PPFIA1: variants seen among roughly 807,000 people sequenced by gnomAD.
PPFIA1 encodes PPFI scaffold protein A1.
Under a neutral mutation model 149.9 loss-of-function variants are expected in PPFIA1, and 25 were observed. The observed-to-expected ratio is 0.17, with a 90% CI of 0.12 to 0.23. The LOEUF is 0.23. Among genes scored for constraint, PPFIA1 ranks in the 10% least tolerant of loss-of-function variants. The pLI is 1.00. For missense variants in PPFIA1, 1,362 were observed against 1,506.5 expected (o/e 0.90, Z 1.59); for synonymous variants, 549 against 552.8 (o/e 0.99, Z 0.10).
In PPFIA1 at chr11:70,343,751, A is replaced by T. The variant is rs374218903; in HGVS notation, c.1790A>T (p.Asp597Val). ...LANVAQAFESDADVSDGEDDR... is the reference protein window; with the variant it reads ...LANVAQAFESVADVSDGEDDR... ...AATGTAGCACAAGCATTCGAGAGTGATGCTGACGTGTCTGATGGTGAAGAT... is the reference window on the plus strand; with the variant it reads ...AATGTAGCACAAGCATTCGAGAGTGTTGCTGACGTGTCTGATGGTGAAGAT... The change falls in exon 15 of 28, where the codon GAT becomes GTT. Residue 597 changes from aspartate (D) to valine (V), a missense_variant. Physicochemically the swap from Asp to Val is radical, Grantham distance 152. Transcript: ENST00000253925. The T allele has an allele frequency of 4.3e-6, 7 of 1,614,132 alleles. No homozygotes were observed. In the African/African-American group the frequency reaches 8.0e-5, roughly 18 times the overall value.
chr11:70,330,430 TGACCTTAGAATATTATG>T, intron 8 of PPFIA1, 111 bp downstream of exon 8: 2 of 957,902 alleles, frequency 2.1e-6, no homozygotes, highest in Non-Finnish European at 3.0e-6. Context: ...CAAGTTTTTA[TGACCTTAGAATATTATG>T]TTCAAGACAT....
At chr11:70,309,363 T>C (rs1682741463) in intron 2 of PPFIA1, among the ~76,000 whole-genome samples, 1 of 152,112 alleles carries the variant, frequency 6.6e-6, no homozygotes, top group South Asian at 2.1e-4. Flanking sequence ...AGACGGGGGT[T>C]TCTCCATGTC....
chr11:70,344,009 T>C, intron 15 of PPFIA1, 117 bp downstream of exon 15: 2 of 921,804 alleles, frequency 2.2e-6, no homozygotes, highest in East Asian at 5.3e-5. Context: ...TACATAATAA[T>C]AGAACTTACT....
At chr11:70,288,086 C>CT (rs1436968711) in intron 2 of PPFIA1, among the ~76,000 whole-genome samples, 2 of 92,968 alleles carry the variant, frequency 2.2e-5, no homozygotes, top group Non-Finnish European at 2.3e-5. Flanking sequence ...TTTTTTTTTT[C>CT]TTTTTTGAGA....
At position 70,324,624 on chromosome 11, in the gene PPFIA1, C is replaced by T. The variant is rs930639408; in HGVS notation, c.366+121C>T. ...CCTGAAATACTTTTCATACCTTTTC[C>T]CACTGAGCAGACTGTGATTAGTCAG... is the stretch of plus-strand genomic sequence containing the variant. On this transcript the variant is annotated intron_variant, in intron 3 of 27. Coordinates refer to ENST00000253925, the MANE Select transcript of PPFIA1 (RefSeq NM_003626.5). The T allele has an allele frequency of 8.4e-6, 8 of 949,068 alleles. No individual in the cohort carries two copies. The African/African-American group carries it at 1.2e-4, about 14-fold the overall frequency. 58.8% of individuals were successfully genotyped at this position (949,068 alleles called of 1,614,324 possible).
chr11:70,378,521 GCT>G, intron 26 of PPFIA1: 1 of 978,450 alleles, frequency 1.0e-6, no homozygotes, highest in Non-Finnish European at 1.2e-6. Context: ...GTGCTAGAAA[GCT>G]CTTTCAGGAA....
chr11:70,380,304 A>T (rs546839446), intron 26 of PPFIA1, among the ~76,000 whole-genome samples: 1 of 152,012 alleles, frequency 6.6e-6, no homozygotes, highest in South Asian at 2.1e-4. Context: ...TCGGTGGCTC[A>T]CGCCTGTAAT....
At chr11:70,333,675 T>C in intron 10 of PPFIA1, 122 bp downstream of exon 10, 1 of 765,920 alleles carries the variant, frequency 1.3e-6, no homozygotes, top group Non-Finnish European at 2.3e-6. Context: ...TCAGTTCTGG[T>C]CGCGTGCATT....
At chr11:70,362,572 C>T in intron 21 of PPFIA1, 84 bp downstream of exon 21, 1 of 1,377,826 alleles carries the variant, frequency 7.3e-7, no homozygotes, top group South Asian at 1.4e-5. Flanking sequence ...CATTGCTTCT[C>T]CAGTTCCTTA....
intron 14 of PPFIA1, among the ~76,000 whole-genome samples, chr11:70,340,184 A>G (rs978173749): frequency 1.3e-5 from 2 of 151,706 alleles, no homozygotes; most frequent in African/African-American, 2.4e-5. Flanking sequence ...GTGTGTGCCT[A>G]TAGTCCCAGC....
At position 70,354,290 on chromosome 11, in the gene PPFIA1, T is replaced by C. The variant is rs1444597842; in HGVS notation, c.2164-11T>C. On this transcript the variant is annotated splice_polypyrimidine_tract_variant and intron_variant, in intron 16 of 27. Transcript: ENST00000253925. ...GCTGTTAACTAACTTTGCACTTCTC[T>C]CACCCCTCAGTTGCCACCTTCCAGA... 2 of 1,608,000 alleles carry C rather than the reference T, an allele frequency of 1.2e-6. No individual in the cohort carries two copies. The highest frequency in any genetic ancestry group is 1.7e-6 in the Non-Finnish European group (2 of 1,176,904).
chr11:70,330,342 GTCT>G, intron 8 of PPFIA1, 23 bp downstream of exon 8: 1 of 1,540,476 alleles, frequency 6.5e-7, no homozygotes, highest in Non-Finnish European at 8.7e-7. Flanking sequence ...ATCGACCTTT[GTCT>G]GGCTTTAGTT....
intron 10 of PPFIA1, among the ~76,000 whole-genome samples, chr11:70,334,056 A>G (rs2054827563): frequency 6.6e-6 from 1 of 152,192 alleles, no homozygotes; most frequent in South Asian, 2.1e-4. Flanking sequence ...GCAACACCGT[A>G]ATTGAGCTAC....
Position 70,362,283 on chromosome 11 carries a change from T to A in PPFIA1, c.2665-5T>A, listed in dbSNP as rs562987607. 2 of 1,613,948 alleles carry A rather than the reference T, an allele frequency of 1.2e-6. No homozygotes were observed. Among genetic ancestry groups the A allele is most frequent in the African/African-American group, 1.3e-5 (1 of 74,924 alleles). ...TGCTGCCTTCCTTCCGCTTTCCGCC[T>A]CCAGCTCTGGGTTGGGATGCCAGCC... On this transcript the variant is annotated splice_region_variant and splice_polypyrimidine_tract_variant and intron_variant, in intron 20 of 27. Transcript: ENST00000253925.
In PPFIA1 at chr11:70,376,538, G is replaced by A. The variant is rs752790488; in HGVS notation, c.3322G>A (p.Ala1108Thr). Reference protein sequence around the residue: ...QIPTQNTQARAVLEREFNNLL... With the variant: ...QIPTQNTQARTVLEREFNNLL... ...TTTTCTTTGGTTATTTCAGGCTCGT[G>A]CTGTCTTGGAAAGAGAATTTAACAA... Residue 1108 changes from alanine to threonine, a missense_variant, in exon 25 of 28, where the codon GCT becomes ACT. By Grantham distance (58) the Ala-to-Thr change is moderately conservative (BLOSUM62 0). Coordinates refer to ENST00000253925, the MANE Select transcript of PPFIA1 (RefSeq NM_003626.5). 6.2e-7 allele frequency: 1 copy of A among 1,613,038 alleles called. No individual in the cohort carries two copies. Among genetic ancestry groups the A allele is most frequent in the African/African-American group, 1.3e-5 (1 of 74,926 alleles).
intron 4 of PPFIA1, chr11:70,325,250 TG>T: frequency 2.3e-6 from 1 of 434,734 alleles, no homozygotes; most frequent in East Asian, 3.7e-5. Context: ...AAAGTAATTG[TG>T]GGCAAAACCT....
chr11:70,312,391 A>G (rs2053341856), intron 2 of PPFIA1, among the ~76,000 whole-genome samples: 1 of 151,954 alleles, frequency 6.6e-6, no homozygotes, highest in East Asian at 1.9e-4. Context: ...AGGTTTCACC[A>G]TGTTGCTTGG....
Position 70,270,930 on chromosome 11 carries a change from A to T in PPFIA1, c.-1+16A>T, listed in dbSNP as rs952433712. The T allele has an allele frequency of 6.6e-6, 1 of 151,440 alleles. No homozygotes were observed. Among genetic ancestry groups the T allele is most frequent in the Admixed American group, 6.6e-5 (1 of 15,204 alleles). 9.4% of individuals were successfully genotyped at this position (151,440 alleles called of 1,614,324 possible). ...GGCGAGCAAGGTAAGGGAGCGGGAC[A>T]CTGAGGCAGGCTCGGGGCCCAGGCG... On this transcript the variant is annotated intron_variant, in intron 1 of 27. Coordinates refer to ENST00000253925, the MANE Select transcript of PPFIA1 (RefSeq NM_003626.5).
chr11:70,375,048 C>T lies in PPFIA1; in HGVS notation c.3270C>T (p.Phe1090=), dbSNP rs377513159. ...TGGCCTTAGATGAAACCTTCGACTT[C>T]AGTGCACTGGCACTGCTGTTACAGA... is the stretch of plus-strand genomic sequence containing the variant. ...ALLALDETFD[F]SALALLLQIP... Residue 1090 remains phenylalanine, a synonymous_variant, in exon 24 of 28, where the codon TTC becomes TTT. Transcript: ENST00000253925. 1.7e-4 allele frequency: 277 copies of T among 1,613,598 alleles called. No individual in the cohort carries two copies. The highest frequency in any genetic ancestry group is 2.3e-4 in the Non-Finnish European group (270 of 1,179,948).
Sources: allele counts gnomAD v4.1 joint callset (sites outside exome capture counted in the v4.1 genomes callset), GRCh38; gene constraint gnomAD v4.1.1; transcripts MANE v1.5; gene names NCBI Gene and HGNC (gene_info 2026-07-23, HGNC 2026-07-21).